Variants in ABCC5 observed in about 807,000 individuals in gnomAD.
The protein encoded by ABCC5 is ATP binding cassette subfamily C member 5.
Under a neutral mutation model 160.9 loss-of-function variants are expected in ABCC5, and 61 were observed. The ratio of observed to expected loss-of-function variants is 0.38; its 90% CI spans 0.31 to 0.47. ABCC5 has a LOEUF of 0.47. Among genes scored for constraint, ABCC5 ranks in the 20% least tolerant of loss-of-function variants. The probability of loss-of-function intolerance (pLI) is 0.99; values close to 1 mark genes in which losing one functional copy is unlikely to be tolerated. For missense variants in ABCC5, 1,308 were observed against 1,813.3 expected, an observed-to-expected ratio of 0.72 and a Z score of 5.06; for synonymous variants, 666 against 700.6, an observed-to-expected ratio of 0.95 and a Z score of 0.78.
At chr3:183,931,118 GTAA>G (rs1713137761) in intron 26 of ABCC5, among the ~76,000 whole-genome samples, 1 of 152,140 alleles carries the variant, frequency 6.6e-6, no homozygotes, top group South Asian at 2.1e-4. Flanking sequence ...ACAATATGCT[GTAA>G]TGAACATTAT....
chr3:183,947,655 G>GGGTATTCTAGGAATTCTGGA, intron 22 of ABCC5, 145 bp from the exon 23 acceptor site: 1 of 657,056 alleles, frequency 1.5e-6, no homozygotes, highest in Non-Finnish European at 2.5e-6. Context: ...AACTCCAGGA[G>GGGTATTCTAGGAATTCTGGA]GGTATTCTAG....
chr3:183,949,931 C>G lies in ABCC5; in HGVS notation c.3098+41G>C, dbSNP rs1715187101. On this transcript the variant is annotated intron_variant, in intron 21 of 29. Transcript: ENST00000334444. This position sits in a 1 kb window ranked among gnomAD's most constrained non-coding sequence, Gnocchi z 4.2. ...CACAGCACCTACCCAGCAACTGAGG[C>G]TTCTCCGTGGCCCCAGCAGACATGA... 6.2e-7 allele frequency: 1 copy of G among 1,613,968 alleles called. No homozygotes were observed. The highest frequency in any genetic ancestry group is 8.5e-7 in the Non-Finnish European group (1 of 1,179,894).
At chr3:183,965,011 C>G (rs935369857) in intron 14 of ABCC5, among the ~76,000 whole-genome samples, 174 bp downstream of exon 14, 44 of 152,252 alleles carry the variant, frequency 2.9e-4, no homozygotes, top group African/African-American at 1.1e-3. Flanking sequence ...TTAAAACAAG[C>G]AGTGTTAACA....
At chr3:183,924,873 A>G (rs1712367877) in intron 29 of ABCC5, among the ~76,000 whole-genome samples, 1 of 152,194 alleles carries the variant, frequency 6.6e-6, no homozygotes, top group East Asian at 1.9e-4. Context: ...TTCTTCAGGG[A>G]CAGGCAGGTT....
intron 24 of ABCC5, among the ~76,000 whole-genome samples, chr3:183,944,118 C>T (rs1020439050): frequency 1.3e-5 from 2 of 152,198 alleles, no homozygotes; most frequent in Admixed American, 6.5e-5. Context: ...TCAGGCCGGA[C>T]ACTATGGCTC....
intron 2 of ABCC5, among the ~76,000 whole-genome samples, chr3:184,004,253 A>AT (rs59650550): frequency 0.23 from 34,612 of 151,074 alleles, 4,909 homozygotes; most frequent in Middle Eastern, 0.33. Flanking sequence ...GCTCACACCT[A>AT]TAATCCCAGC....
rs370159206 is a variant in ABCC5, at chr3:183,956,948, A to G, written c.2482+2785T>C. ...TGTAAATCACATCGGTTACATGCGG[A>G]TCCGTGTGTACATCACATCGGTTAC... On this transcript the variant is annotated intron_variant, in intron 17 of 29. Transcript: ENST00000334444. Among the ~76,000 whole-genome samples, 10 of 141,720 alleles carry G rather than the reference A, an allele frequency of 7.1e-5. No individual in the cohort carries two copies. In the South Asian group the frequency reaches 1.2e-3, roughly 17 times the overall value. The allele number at this position is 141,720 out of a possible 152,430, so 93.0% of individuals were successfully genotyped here.
intron 17 of ABCC5, among the ~76,000 whole-genome samples, chr3:183,955,361 A>C (rs1158417868): frequency 1.3e-5 from 2 of 152,200 alleles, no homozygotes; most frequent in Non-Finnish European, 2.9e-5. Context: ...ATCTCTATAT[A>C]AATGTTAATG....
intron 17 of ABCC5, among the ~76,000 whole-genome samples, chr3:183,956,275 G>T (rs1215677012): frequency 7.4e-5 from 11 of 148,358 alleles, no homozygotes; most frequent in Non-Finnish European, 1.6e-4. Flanking sequence ...GTTACATGCA[G>T]ATCCGTGTGT....
intron 5 of ABCC5, chr3:183,984,458 C>T (rs1421116024): frequency 4.4e-5 from 45 of 1,024,876 alleles, no homozygotes; most frequent in Admixed American, 5.3e-5. Flanking sequence ...CCAGACACCA[C>T]GGTCTGGAGG....
chr3:183,929,589 AG>A (rs1712969457), intron 26 of ABCC5, among the ~76,000 whole-genome samples: 1 of 152,188 alleles, frequency 6.6e-6, no homozygotes, highest in Non-Finnish European at 1.5e-5. Context: ...CTGATCCAGT[AG>A]AAGGGAAGAG....
chr3:183,957,100 AC>A (rs1716112104), intron 17 of ABCC5, among the ~76,000 whole-genome samples: 1 of 106,816 alleles, frequency 9.4e-6, no homozygotes, highest in African/African-American at 3.6e-5. Flanking sequence ...CACATCGGTT[AC>A]ATGCGGGTCC....
At chr3:183,952,999 G>T (rs370713267) in intron 18 of ABCC5, 87 bp downstream of exon 18, 7 of 1,382,604 alleles carry the variant, frequency 5.1e-6, no homozygotes, top group Non-Finnish European at 9.9e-7. Context: ...GTGAAAACTA[G>T]AACAGTTTCC....
intron 2 of ABCC5, among the ~76,000 whole-genome samples, chr3:184,007,319 C>T (rs115866863): frequency 0.011 from 1,614 of 151,840 alleles, 31 homozygotes; most frequent in African/African-American, 0.036. Flanking sequence ...CACGCCCGGC[C>T]CACTTCTGCT....
At chr3:183,924,829 G>A (rs1198675998) in intron 29 of ABCC5, among the ~76,000 whole-genome samples, 3 of 152,230 alleles carry the variant, frequency 2.0e-5, no homozygotes, top group Non-Finnish European at 2.9e-5. Flanking sequence ...CAGCCAGGGG[G>A]TTTCATGGAG....
rs1260544028 is a variant in ABCC5 at position 183,925,645 on chromosome 3, T to A, written c.4122A>T (p.Glu1374Asp). The A allele has an allele frequency of 3.7e-6, 6 of 1,613,934 alleles. No homozygotes were observed. The highest frequency in any genetic ancestry group is 1.3e-5 in the African/African-American group (1 of 74,870). Residue 1374 changes from glutamate to aspartate, a missense_variant, in exon 29 of 30, where the codon GAA becomes GAT. Transcript: ENST00000334444. The part of the protein sequence containing the change: ...TDLLIQETIR[E>D]AFADCTMLTI... ...TCAGCATGGTACAGTCTGCAAATGC[T>A]TCTCGGATGGTCTCTTGAATCAATA... is the stretch of plus-strand genomic sequence containing the variant.
At chr3:183,976,794 C>G (rs1249130574) in intron 10 of ABCC5, among the ~76,000 whole-genome samples, 1 of 152,130 alleles carries the variant, frequency 6.6e-6, no homozygotes, top group Non-Finnish European at 1.5e-5. Context: ...GACATAGGAG[C>G]TAATCTATGC....
rs1718824508 is a variant in ABCC5 at position 183,982,393 on chromosome 3, G to A, written c.999+58C>T. ...TCAGCAATGCCTACTATAACCCAAT[G>A]GAAGTAACTCATCTCCTAAGGAGAA... On this transcript the variant is annotated intron_variant, in intron 7 of 29. Coordinates refer to ENST00000334444, the MANE Select transcript of ABCC5 (RefSeq NM_005688.4). This position sits in a 1 kb window ranked among gnomAD's most constrained non-coding sequence, Gnocchi z 5.2. 6.4e-7 allele frequency: 1 copy of A among 1,565,364 alleles called. No individual in the cohort carries two copies. Among genetic ancestry groups the A allele is most frequent in the Non-Finnish European group, 8.7e-7 (1 of 1,152,654 alleles).
Position 183,947,405 on chromosome 3 carries a change from G to A in ABCC5, c.3333C>T (p.Thr1111=). The A allele has an allele frequency of 6.2e-7, 1 of 1,613,936 alleles. No homozygotes were observed. Among genetic ancestry groups the A allele is most frequent in the Non-Finnish European group, 8.5e-7 (1 of 1,179,952 alleles). The change falls in exon 23 of 30, where the codon ACC becomes ACT. Residue 1111 remains threonine (T), a synonymous_variant. Transcript: ENST00000334444. ...RLDLISIALI[T]TTGLMIVLMH... is the part of the protein sequence containing the mutation. ...TAAGAACGATCATCAGCCCCGTGGT[G>A]GTGATGAGGGCGATGCTGATGAGGT...
Sources: gnomAD v4.1 joint callset for allele counts (sites outside exome capture counted in the v4.1 genomes callset) on GRCh38, gnomAD v4.1.1 for gene constraint, Gnocchi (gnomAD v3.1) non-coding constraint, MANE v1.5 for transcripts, NCBI Gene and HGNC (gene_info 2026-07-23, HGNC 2026-07-21) for gene names.